APC2: variants seen among roughly 807,000 people sequenced by gnomAD.
The protein encoded by APC2 is APC regulator of Wnt signaling pathway 2.
A neutral mutation model predicts 72.5 loss-of-function variants in APC2; 41 were observed. The ratio of observed to expected loss-of-function variants is 0.57; its 90% CI spans 0.44 to 0.73. APC2 has a LOEUF of 0.73. APC2 is among the 30% of genes least tolerant of loss of function. APC2 has a pLI of 0.00. For missense variants in APC2, 3,729 were observed against 3,403.4 expected (o/e 1.10, Z -2.38); for synonymous variants, 1,898 against 1,612.0 (o/e 1.18, Z -4.25).
At chr19:1,449,998 C>T (rs2145172357), upstream of APC2, among the ~76,000 whole-genome samples, 1 of 152,196 alleles carries the variant, frequency 6.6e-6, no homozygotes, top group East Asian at 1.9e-4. Context: ...GGCCCGACGC[C>T]CCGCGGCCGA....
chr19:1,454,671 C>A (rs1223668265), intron 4 of APC2, among the ~76,000 whole-genome samples: 1 of 150,002 alleles, frequency 6.7e-6, no homozygotes, highest in African/African-American at 2.5e-5. Flanking sequence ...TCACACCATT[C>A]TCCCACCTCA....
chr19:1,468,144 G>A lies in APC2; in HGVS notation c.4843G>A (p.Gly1615Arg), dbSNP rs1369034098. The A allele has an allele frequency of 1.3e-6, 2 of 1,485,708 alleles. No homozygotes were observed. Among genetic ancestry groups the A allele is most frequent in the Admixed American group, 2.3e-5 (1 of 43,758 alleles). 92.0% of individuals were successfully genotyped at this position (1,485,708 alleles called of 1,614,324 possible). ...AVTKDPGPGG[G>R]RDSSPSPRAA... ...CACCAAGGACCCGGGCCCAGGAGGC[G>A]GACGCGACAGCTCGCCCAGCCCGCG... The change falls in exon 15 of 15, where the codon GGA becomes AGA. Residue 1615 changes from glycine (G) to arginine (R), a missense_variant. Coordinates refer to ENST00000590469, the MANE Select transcript of APC2 (RefSeq NM_005883.3).
rs1232253756 is a variant in APC2 at position 1,460,784 on chromosome 19, C to A, written c.1448C>A (p.Thr483Asn). 2 of 1,612,992 alleles carry A rather than the reference C, an allele frequency of 1.2e-6. No homozygotes were observed. The highest frequency in any genetic ancestry group is 1.3e-5 in the African/African-American group (1 of 75,064). Residue 483 changes from threonine to asparagine, a missense_variant, in exon 12 of 15, where the codon ACC becomes AAC. Coordinates refer to ENST00000590469, the MANE Select transcript of APC2 (RefSeq NM_005883.3). The stretch of plus-strand genomic sequence containing the variant: ...CGGCTGCATAACCCCCAACAGGCCA[C>A]CCTGTGTGCGCGCCGCGGCTGCATG... Reference protein sequence around the residue: ...LTFGDVANKATLCARRGCMEA... With the variant: ...LTFGDVANKANLCARRGCMEA...
Position 1,462,018 on chromosome 19 carries a change from C to G in APC2, c.1694C>G (p.Thr565Arg). The stretch of plus-strand genomic sequence containing the variant: ...CTGTGGAATCTGTCTGCACACAGCA[C>G]AGAGAACAAGGCGGCCATCTGCCAG... The part of the protein sequence containing the change: ...SALWNLSAHS[T>R]ENKAAICQVD... Residue 565 changes from threonine to arginine, a missense_variant, in exon 14 of 15, where the codon ACA becomes AGA. Transcript: ENST00000590469. 2 of 1,613,132 alleles carry G rather than the reference C, an allele frequency of 1.2e-6. No individual in the cohort carries two copies. Among genetic ancestry groups the G allele is most frequent in the South Asian group, 2.2e-5 (2 of 91,084 alleles).
Position 1,452,643 on chromosome 19 carries a change from C to T in APC2, c.-18-341C>T, listed in dbSNP as rs1219875567. The T allele has an allele frequency of 8.3e-6, 2 of 241,292 alleles. No homozygotes were observed. The highest frequency in any genetic ancestry group is 1.6e-5 in the Non-Finnish European group (2 of 122,184). The allele number at this position is 241,292 out of a possible 1,614,324, so 14.9% of individuals were successfully genotyped here. ...TGTCCCAGCTGTCTGTGTGTTTGTC[C>T]GGCTGTCAGGATGTGTCCTGGGGGC... On this transcript the variant is annotated intron_variant, in intron 1 of 14. Transcript: ENST00000590469. This position sits in a 1 kb window ranked among gnomAD's most constrained non-coding sequence, Gnocchi z 5.1.
In APC2 at chr19:1,466,583, C is replaced by T; in HGVS notation, c.3282C>T (p.Asp1094=). The change falls in exon 15 of 15, where the codon GAC becomes GAT. Residue 1094 remains aspartate, a synonymous_variant. Transcript: ENST00000590469. ...AGGGTGGTGACCTGGATGACAGTGA[C>T]TCCTCCCTGGAGGGGCTGGAGGAGG... ...PSEGGDLDDS[D]SSLEGLEEAG... is the part of the protein sequence containing the mutation. The T allele has an allele frequency of 6.4e-7, 1 of 1,572,316 alleles. No individual in the cohort carries two copies. Among genetic ancestry groups the T allele is most frequent in the Non-Finnish European group, 8.6e-7 (1 of 1,166,516 alleles).
At position 1,452,767 on chromosome 19, in the gene APC2, G is replaced by A; in HGVS notation, c.-18-217G>A. On this transcript the variant is annotated intron_variant, in intron 1 of 14. Transcript: ENST00000590469. This position sits in a 1 kb window ranked among gnomAD's most constrained non-coding sequence, Gnocchi z 5.1. ...TGCTGGCCCCTCTGTCTCCCCTTGG[G>A]GCCACCTCTCACTCCACCTGCCCCT... is the stretch of plus-strand genomic sequence containing the variant. 1 of 567,308 alleles carries A rather than the reference G, an allele frequency of 1.8e-6. No individual in the cohort carries two copies. Among genetic ancestry groups the A allele is most frequent in the Non-Finnish European group, 3.1e-6 (1 of 322,474 alleles). The allele number at this position is 567,308 out of a possible 1,614,324, so 35.1% of individuals were successfully genotyped here.
chr19:1,456,515 C>G (rs1256468945), intron 8 of APC2, 111 bp downstream of exon 8: 1 of 1,181,956 alleles, frequency 8.5e-7, no homozygotes, highest in South Asian at 1.5e-5. Flanking sequence ...CCAGCACCCC[C>G]TCGGGTGTAG....
Position 1,467,219 on chromosome 19 carries a change from G to C in APC2, c.3918G>C (p.Gly1306=), listed in dbSNP as rs2084033440. 1 of 1,371,616 alleles carries C rather than the reference G, an allele frequency of 7.3e-7. No individual in the cohort carries two copies. The highest frequency in any genetic ancestry group is 1.8e-5 in the South Asian group (1 of 54,720). The allele number at this position is 1,371,616 out of a possible 1,614,324, so 85.0% of individuals were successfully genotyped here. ...LLPSACPERG[G]GAGGAGLHFA... The stretch of plus-strand genomic sequence containing the variant: ...CCTCGGCCTGCCCCGAGCGCGGCGG[G>C]GGCGCCGGGGGCGCCGGCCTCCACT... Residue 1306 remains glycine (G), a synonymous_variant, in exon 15 of 15, where the codon GGG becomes GGC. Transcript: ENST00000590469.
At chr19:1,464,348 TAAG>T (rs1436916606) in intron 14 of APC2, among the ~76,000 whole-genome samples, 3 of 151,872 alleles carry the variant, frequency 2.0e-5, no homozygotes. Flanking sequence ...TGTTGTTAAA[TAAG>T]AAATATTAAA....
rs1350728557 is a variant in APC2, at chr19:1,470,852, G to C, written c.*639G>C. On this transcript the variant is annotated 3_prime_UTR_variant, in exon 15 of 15. Coordinates refer to ENST00000590469, the MANE Select transcript of APC2 (RefSeq NM_005883.3). ...CCAGACGGTGTTCAGGGAACCCGGA[G>C]CCCAAGCGCTCCGGCGGAGCCCAAA... 1 of 151,264 alleles carries C rather than the reference G, an allele frequency of 6.6e-6. No homozygotes were observed. Among genetic ancestry groups the C allele is most frequent in the Non-Finnish European group, 1.5e-5 (1 of 67,840 alleles). The allele number at this position is 151,264 out of a possible 1,614,324, so 9.4% of individuals were successfully genotyped here.
rs775297061 is a variant in APC2 at position 1,467,144 on chromosome 19, G to A, written c.3843G>A (p.Leu1281=). The change falls in exon 15 of 15, where the codon CTG becomes CTA. Residue 1281 remains leucine, a synonymous_variant. Coordinates refer to ENST00000590469, the MANE Select transcript of APC2 (RefSeq NM_005883.3). ...CGTGCGCCTCCAGCCTCAGCGCGCT[G>A]GCCTTGCACGAGCACTACGTGCAGC... ...NFSCASSLSA[L]ALHEHYVQQD... 6.4e-7 allele frequency: 1 copy of A among 1,571,250 alleles called. No individual in the cohort carries two copies. Among genetic ancestry groups the A allele is most frequent in the East Asian group, 2.3e-5 (1 of 44,346 alleles).
rs200990964 is a variant in APC2 at position 1,466,333 on chromosome 19, C to T, written c.3032C>T (p.Ala1011Val). 138 of 1,550,218 alleles carry T rather than the reference C, an allele frequency of 8.9e-5. No homozygotes were observed. The highest frequency in any genetic ancestry group is 1.1e-4 in the Non-Finnish European group (127 of 1,151,058). The change falls in exon 15 of 15, where the codon GCG (alanine) becomes GTG (valine). Residue 1011 changes from alanine (A) to valine (V), a missense_variant. Transcript: ENST00000590469. ...HVPLLEGASR[A>V]GAEPLAGPGI... ...CCACTGCTTGAGGGTGCCTCAAGGG[C>T]GGGTGCAGAGCCCCTCGCGGGGCCT...
chr19:1,453,226 C>T (rs764735997), intron 2 of APC2, 21 bp from the exon 3 acceptor site: 2 of 1,558,020 alleles, frequency 1.3e-6, no homozygotes, highest in South Asian at 1.2e-5. Context: ...TGGCTTCCCG[C>T]CCTCTTTCCC....
chr19:1,455,034 G>T (rs2083799250), intron 4 of APC2, 115 bp from the exon 5 acceptor site: 6 of 414,330 alleles, frequency 1.4e-5, no homozygotes, highest in African/African-American at 2.5e-5. Flanking sequence ...GAGAGACCTT[G>T]CCATGTTGCC....
At position 1,457,000 on chromosome 19, in the gene APC2, C is replaced by T. The variant is rs1013415718; in HGVS notation, c.964C>T (p.His322Tyr). The T allele has an allele frequency of 3.3e-6, 5 of 1,532,274 alleles. No individual in the cohort carries two copies. The highest frequency in any genetic ancestry group is 2.8e-5 in the African/African-American group (2 of 71,894). 94.9% of individuals were successfully genotyped at this position (1,532,274 alleles called of 1,614,324 possible). A position where few individuals can be genotyped will look rare whatever the true frequency, so the allele number is the denominator to read the frequency against. ...GCLPLLLQILHGTEAAAGGRA... is the reference protein window; with the variant it reads ...GCLPLLLQILYGTEAAAGGRA... ...TCTGCCTCTGCTGCTGCAAATCCTC[C>T]ACGGCACCGAGGCCGCGGCCGGGGG... Residue 322 changes from histidine to tyrosine, a missense_variant, in exon 9 of 15, where the codon CAC becomes TAC. Transcript: ENST00000590469.
Position 1,473,052 on chromosome 19 carries a change from G to T in APC2, c.*2839G>T, listed in dbSNP as rs1246362576. 3.3e-5 allele frequency: 5 copies of T among 152,430 alleles called. No homozygotes were observed. The East Asian group carries it at 9.6e-4, about 29-fold the overall frequency. 9.4% of individuals were successfully genotyped at this position (152,430 alleles called of 1,614,324 possible). A position where few individuals can be genotyped will look rare whatever the true frequency, so the allele number is the denominator to read the frequency against. On this transcript the variant is annotated 3_prime_UTR_variant, in exon 15 of 15. Coordinates refer to ENST00000590469, the MANE Select transcript of APC2 (RefSeq NM_005883.3). ...GGTCCAGCCCTGATGGCGCGCGCCT[G>T]GTCTGTCTGATTCCCCTAGCCGCCA...
chr19:1,459,374 A>C (rs907199830), intron 10 of APC2, among the ~76,000 whole-genome samples: 2 of 152,140 alleles, frequency 1.3e-5, no homozygotes, highest in Non-Finnish European at 2.9e-5. Context: ...CACCCGGCCA[A>C]AGCCTGGCTC....
chr19:1,467,544 C>G lies in APC2; in HGVS notation c.4243C>G (p.Pro1415Ala), dbSNP rs770054793. The G allele has an allele frequency of 1.3e-4, 190 of 1,503,252 alleles. No homozygotes were observed. In the Admixed American group the frequency reaches 3.7e-3, roughly 30 times the overall value. The allele number at this position is 1,503,252 out of a possible 1,614,324, so 93.1% of individuals were successfully genotyped here. The change falls in exon 15 of 15, where the codon CCC becomes GCC. Residue 1415 changes from proline (P) to alanine (A), a missense_variant. Transcript: ENST00000590469. ...SLSDETLQGP[P>A]RDQPGGPAGR... ...CAGCGACGAGACGCTGCAGGGACCC[C>G]CCAGGGACCAGCCCGGGGGACCAGC...
Sources: allele counts gnomAD v4.1 joint callset (sites outside exome capture counted in the v4.1 genomes callset), GRCh38; gene constraint gnomAD v4.1.1; non-coding constraint Gnocchi (gnomAD v3.1); transcripts MANE v1.5; gene names NCBI Gene and HGNC (gene_info 2026-07-23, HGNC 2026-07-21).